RBMS3: variants seen among roughly 807,000 people sequenced by gnomAD.
RBMS3 encodes RNA binding motif single stranded interacting protein 3, also known as RNA-binding motif, single-stranded-interacting protein 3.
A neutral mutation model predicts 66.8 loss-of-function variants in RBMS3; 27 were observed. The observed-to-expected ratio is 0.40, with a 90% CI of 0.30 to 0.56. The LOEUF (loss-of-function observed/expected upper bound fraction) is 0.56, where lower values mean the gene tolerates loss of function less well. Among genes scored for constraint, RBMS3 ranks in the 20% least tolerant of loss-of-function variants. The probability of loss-of-function intolerance (pLI) is 0.40; values close to 1 mark genes in which losing one functional copy is unlikely to be tolerated. For missense variants in RBMS3, 513 were observed against 549.5 expected (o/e 0.93, Z 0.66); for synonymous variants, 188 against 183.0 (o/e 1.03, Z -0.22).
chr3:29,495,417 CTTT>C (rs775377508), intron 3 of RBMS3, among the ~76,000 whole-genome samples: 1 of 111,880 alleles, frequency 8.9e-6, no homozygotes, highest in African/African-American at 3.3e-5. Context: ...ATATTTCTTT[CTTT>C]TTTTTTTTTT....
intron 10 of RBMS3, among the ~76,000 whole-genome samples, chr3:29,934,959 C>T (rs1181507720): frequency 6.6e-6 from 1 of 152,026 alleles, no homozygotes; most frequent in African/African-American, 2.4e-5. Flanking sequence ...GAGATCTGGC[C>T]ATCTACATGC....
At chr3:29,377,096 A>T (rs1338456069) in intron 1 of RBMS3, among the ~76,000 whole-genome samples, 7 of 152,006 alleles carry the variant, frequency 4.6e-5, no homozygotes, top group African/African-American at 7.2e-5. Flanking sequence ...TCTCAGAAAA[A>T]AAAAAAAGAA....
intron 14 of RBMS3, among the ~76,000 whole-genome samples, chr3:29,994,147 T>C (rs977628794): frequency 5.9e-5 from 9 of 152,168 alleles, no homozygotes; most frequent in African/African-American, 1.9e-4. Flanking sequence ...GTTCCCTTTC[T>C]GAGTCAAAGA....
At chr3:29,996,805 A>G (rs1699272782) in intron 14 of RBMS3, among the ~76,000 whole-genome samples, 4 of 152,160 alleles carry the variant, frequency 2.6e-5, no homozygotes, top group Admixed American at 2.6e-4. Flanking sequence ...AATGCCCACA[A>G]GAGAAAGCAG....
At chr3:29,909,219 C>G (rs574972320) in intron 10 of RBMS3, among the ~76,000 whole-genome samples, 123 of 152,144 alleles carry the variant, frequency 8.1e-4, no homozygotes, top group African/African-American at 2.9e-3. Flanking sequence ...TCAAATCTGG[C>G]AGACTTTCCT....
intron 2 of RBMS3, among the ~76,000 whole-genome samples, chr3:29,472,707 C>T (rs990713564): frequency 1.3e-5 from 2 of 151,194 alleles, no homozygotes; most frequent in Non-Finnish European, 2.9e-5. Context: ...CCAGTGGGTT[C>T]GTGGTCTCGC....
intron 4 of RBMS3, among the ~76,000 whole-genome samples, chr3:29,691,295 A>C (rs1388804181): frequency 2.0e-5 from 3 of 152,196 alleles, no homozygotes; most frequent in African/African-American, 7.2e-5. Flanking sequence ...AAGCGTCAAG[A>C]AGAAAATTGA....
At chr3:29,490,786 G>A (rs962715422) in intron 3 of RBMS3, among the ~76,000 whole-genome samples, 3 of 152,112 alleles carry the variant, frequency 2.0e-5, no homozygotes, top group African/African-American at 4.8e-5. Flanking sequence ...TGTCACTCTT[G>A]GCCTGTGGGA....
At chr3:29,614,915 A>T (rs1213648328) in intron 4 of RBMS3, 1 of 152,222 alleles carries the variant, frequency 6.6e-6, no homozygotes, top group Non-Finnish European at 1.5e-5. Flanking sequence ...GTAGAATATC[A>T]CTATACATAA....
At chr3:29,609,056 CTGTTGTGG>C (rs2048404587) in intron 4 of RBMS3, among the ~76,000 whole-genome samples, 2 of 151,854 alleles carry the variant, frequency 1.3e-5, no homozygotes, top group Non-Finnish European at 2.9e-5. Flanking sequence ...TATTTCCAAA[CTGTTGTGG>C]ACTGATGCTT....
chr3:29,799,116 A>C (rs2057309443), intron 6 of RBMS3, among the ~76,000 whole-genome samples: 1 of 152,158 alleles, frequency 6.6e-6, no homozygotes, highest in African/African-American at 2.4e-5. Context: ...ATAATGGTCA[A>C]TGCCTCTCAG....
At chr3:29,586,476 A>G (rs1311080455) in intron 3 of RBMS3, among the ~76,000 whole-genome samples, 1 of 152,150 alleles carries the variant, frequency 6.6e-6, no homozygotes, top group Non-Finnish European at 1.5e-5. Context: ...TATGTATTTA[A>G]TCATTCTTTT....
At chr3:29,727,926 T>C (rs964202688) in intron 4 of RBMS3, among the ~76,000 whole-genome samples, 1 of 152,224 alleles carries the variant, frequency 6.6e-6, no homozygotes, top group African/African-American at 2.4e-5. Flanking sequence ...ATTACAGCAC[T>C]ATTTACGATA....
intron 4 of RBMS3, among the ~76,000 whole-genome samples, chr3:29,673,129 AC>A (rs1346583723): frequency 1.3e-5 from 2 of 152,194 alleles, no homozygotes; most frequent in Admixed American, 1.3e-4. Flanking sequence ...AAACTGAACA[AC>A]CTGTTCCTGA....
At chr3:29,302,015 T>A (rs9654035) in intron 1 of RBMS3, among the ~76,000 whole-genome samples, 33,988 of 151,748 alleles carry the variant, frequency 0.22, 3,975 homozygotes, top group South Asian at 0.34. Flanking sequence ...AAATTTTTTT[T>A]AAAAAGTTTT....
In RBMS3 at chr3:29,688,653, G is replaced by T. The variant is rs542799401; in HGVS notation, c.400-51067G>T. The stretch of plus-strand genomic sequence containing the variant: ...GCTGGAGTGCAATGGTGTGGTCTCA[G>T]CTCACTGCAACCTCCGCCTCCCAGG... On this transcript the variant is annotated intron_variant, in intron 4 of 14. Transcript: ENST00000383767. 3.9e-5 allele frequency among the ~76,000 whole-genome samples: 5 copies of T among 127,814 alleles called. No individual in the cohort carries two copies. In the South Asian group the frequency reaches 1.2e-3, roughly 32 times the overall value. The allele number at this position is 127,814 out of a possible 152,430, so 83.9% of individuals were successfully genotyped here.
chr3:29,725,921 G>A (rs1225659212), intron 4 of RBMS3, among the ~76,000 whole-genome samples: 2 of 151,992 alleles, frequency 1.3e-5, no homozygotes, highest in Admixed American at 6.6e-5. Context: ...AAAATTTCAG[G>A]CCAATACTCC....
intron 3 of RBMS3, 43 bp downstream of exon 3, chr3:29,488,542 A>C (rs576380548): frequency 3.3e-6 from 5 of 1,536,738 alleles, no homozygotes; most frequent in African/African-American, 1.4e-5. Flanking sequence ...TGCCTATGCT[A>C]TCTGATTAAT....
chr3:29,784,185 A>G (rs917726744), intron 6 of RBMS3, among the ~76,000 whole-genome samples: 7 of 152,112 alleles, frequency 4.6e-5, no homozygotes, highest in African/African-American at 1.7e-4. Flanking sequence ...ACTATACCCT[A>G]CAACACATGG....
Sources: allele counts gnomAD v4.1 joint callset (sites outside exome capture counted in the v4.1 genomes callset), GRCh38; gene constraint gnomAD v4.1.1; transcripts MANE v1.5; gene names NCBI Gene and HGNC (gene_info 2026-07-23, HGNC 2026-07-21).